TANC2: variants seen among roughly 807,000 people sequenced by gnomAD.
TANC2 encodes tetratricopeptide repeat, ankyrin repeat and coiled-coil containing 2.
Under a neutral mutation model 210.5 loss-of-function variants are expected in TANC2, and 26 were observed. That is an observed-to-expected ratio of 0.12 (90% CI 0.09 to 0.17). The LOEUF is 0.17. Among genes scored for constraint, TANC2 ranks in the 10% least tolerant of loss-of-function variants. The pLI is 1.00. For synonymous variants in TANC2, 931 were observed against 967.1 expected (o/e 0.96, Z 0.69); for missense variants, 2,129 against 2,608.9 (o/e 0.82, Z 4.01).
At chr17:62,991,465 C>T (rs1342757366) in intron 1 of TANC2, among the ~76,000 whole-genome samples, 5 of 151,624 alleles carry the variant, frequency 3.3e-5, no homozygotes, top group African/African-American at 7.3e-5. Flanking sequence ...GACGAAACCC[C>T]GTCTCTACTA....
chr17:63,027,628 C>T (rs1231969216), intron 2 of TANC2, among the ~76,000 whole-genome samples: 2 of 151,814 alleles, frequency 1.3e-5, no homozygotes, highest in African/African-American at 4.8e-5. Context: ...TATAGTTATG[C>T]TTCTGTTTTT....
intron 25 of TANC2, chr17:63,414,301 C>G (rs1448739557): frequency 3.3e-5 from 5 of 152,238 alleles, no homozygotes; most frequent in Admixed American, 3.3e-4. Context: ...ATCACTGACA[C>G]TTCCCCAAGA....
intron 4 of TANC2, among the ~76,000 whole-genome samples, chr17:63,144,290 G>T (rs1239622182): frequency 1.3e-5 from 2 of 152,110 alleles, no homozygotes; most frequent in Non-Finnish European, 2.9e-5. Context: ...GATAAATAGG[G>T]ATAGGAAAGG....
At chr17:63,264,657 A>G (rs1180090259) in intron 8 of TANC2, among the ~76,000 whole-genome samples, 4 of 152,174 alleles carry the variant, frequency 2.6e-5, no homozygotes, top group African/African-American at 7.2e-5. Flanking sequence ...TTGAGAAACT[A>G]CCTATTTTTA....
At chr17:63,016,362 A>G (rs2034109489) in intron 2 of TANC2, among the ~76,000 whole-genome samples, 1 of 152,188 alleles carries the variant, frequency 6.6e-6, no homozygotes, top group African/African-American at 2.4e-5. Flanking sequence ...GGATCATGAG[A>G]TCAGCACTTC....
chr17:63,082,471 A>G (rs1238850059), intron 3 of TANC2, among the ~76,000 whole-genome samples: 1 of 152,232 alleles, frequency 6.6e-6, no homozygotes, highest in Non-Finnish European at 1.5e-5. Context: ...GAATAAGACA[A>G]ACCTGAAAAC....
At chr17:63,049,443 A>G (rs1465250341) in intron 2 of TANC2, among the ~76,000 whole-genome samples, 3 of 152,146 alleles carry the variant, frequency 2.0e-5, no homozygotes, top group Non-Finnish European at 4.4e-5. Context: ...TATCTACCCA[A>G]AGGAGATGCA....
intron 2 of TANC2, among the ~76,000 whole-genome samples, chr17:63,049,436 C>CTA (rs1210525981): frequency 6.6e-6 from 1 of 152,048 alleles, no homozygotes; most frequent in Non-Finnish European, 1.5e-5. Flanking sequence ...AGTTATGTAT[C>CTA]TACCCAAAGG....
In TANC2 at chr17:63,183,565, A is replaced by G. The variant is rs751687362; in HGVS notation, c.434-10426A>G. ...AATTTACCTGCTGCGTATAATGCAC[A>G]CTCATTATTCGAGTGATGGGTACAC... On this transcript the variant is annotated intron_variant, in intron 5 of 27. Coordinates refer to ENST00000689528, the Ensembl canonical transcript of TANC2. 2.5e-4 allele frequency among the ~76,000 whole-genome samples: 38 copies of G among 152,154 alleles called. 1 individual carries two copies. The highest frequency in any genetic ancestry group is 8.4e-4 in the African/African-American group (35 of 41,446).
At chr17:63,315,578 TAGAAG>T (rs1443155346) in intron 10 of TANC2, among the ~76,000 whole-genome samples, 5 of 152,234 alleles carry the variant, frequency 3.3e-5, no homozygotes, top group African/African-American at 9.6e-5. Flanking sequence ...TTCTGTTAGT[TAGAAG>T]AGAACAAAAA....
At chr17:63,368,887 A>G (rs1292887063) in intron 14 of TANC2, among the ~76,000 whole-genome samples, 3 of 152,248 alleles carry the variant, frequency 2.0e-5, no homozygotes, top group Non-Finnish European at 4.4e-5. Flanking sequence ...AACATAGAAG[A>G]GAGGCAAAGG....
intron 18 of TANC2, chr17:63,396,835 A>G (rs1599029204): frequency 1.3e-5 from 2 of 152,210 alleles, no homozygotes; most frequent in Admixed American, 1.3e-4. Flanking sequence ...AAGGAAGGGG[A>G]AAGGGTTGAA....
At chr17:63,335,221 G>A (rs769192697) in intron 11 of TANC2, among the ~76,000 whole-genome samples, 1 of 152,072 alleles carries the variant, frequency 6.6e-6, no homozygotes, top group African/African-American at 2.4e-5. Flanking sequence ...CTCTTTTTCT[G>A]GTATTCTTGA....
At chr17:63,314,266 A>G (rs1372491055) in intron 9 of TANC2, 122 bp from the exon 10 acceptor site, 27 of 1,077,578 alleles carry the variant, frequency 2.5e-5, no homozygotes, top group Non-Finnish European at 4.0e-6. Context: ...TTATTTCTGA[A>G]TAAGCCTAGG....
rs1289191321 is a variant in TANC2 at position 63,413,535 on chromosome 17, C to T, written c.3929-8C>T. On this transcript the variant is annotated splice_region_variant and splice_polypyrimidine_tract_variant and intron_variant, in intron 24 of 27. Coordinates refer to ENST00000689528, the Ensembl canonical transcript of TANC2. ...TTTTTTACCCATCATGCATCCTGTACACTACAGGTCCAGCCACATGGGCGA... is the reference window on the plus strand; with the variant it reads ...TTTTTTACCCATCATGCATCCTGTATACTACAGGTCCAGCCACATGGGCGA... 1.3e-6 allele frequency: 2 copies of T among 1,584,252 alleles called. No individual in the cohort carries two copies. The highest frequency in any genetic ancestry group is 1.3e-5 in the African/African-American group (1 of 74,412).
intron 8 of TANC2, among the ~76,000 whole-genome samples, chr17:63,263,378 C>T (rs1446787992): frequency 6.6e-6 from 1 of 152,168 alleles, no homozygotes; most frequent in Non-Finnish European, 1.5e-5. Context: ...TCCTGGCAAT[C>T]TTTATGATAA....
intron 7 of TANC2, among the ~76,000 whole-genome samples, chr17:63,214,743 G>T (rs1295104733): frequency 6.6e-6 from 1 of 152,198 alleles, no homozygotes; most frequent in Non-Finnish European, 1.5e-5. Context: ...GAGATTGTAA[G>T]TTTCAACACA....
intron 4 of TANC2, among the ~76,000 whole-genome samples, chr17:63,113,617 C>T (rs1392599321): frequency 6.6e-6 from 1 of 152,190 alleles, no homozygotes; most frequent in East Asian, 1.9e-4. Context: ...AAGAGATCTT[C>T]CCACCTCAGC....
At chr17:63,034,576 G>A (rs1047748206) in intron 2 of TANC2, among the ~76,000 whole-genome samples, 1 of 152,294 alleles carries the variant, frequency 6.6e-6, no homozygotes, top group South Asian at 2.1e-4. Flanking sequence ...TCTAGGCAAA[G>A]TGAATGGAAA....
Sources: allele counts gnomAD v4.1 joint callset (sites outside exome capture counted in the v4.1 genomes callset), GRCh38; gene constraint gnomAD v4.1.1; transcripts MANE v1.5; gene names NCBI Gene and HGNC (gene_info 2026-07-23, HGNC 2026-07-21).